ARHGAP44: variants seen among roughly 807,000 people sequenced by gnomAD.
ARHGAP44 encodes rho GTPase-activating protein 44.
ARHGAP44 carries 43 observed loss-of-function variants against 106.8 expected under a neutral mutation model. That is an observed-to-expected ratio of 0.40 (90% confidence interval 0.32 to 0.52). The LOEUF (loss-of-function observed/expected upper bound fraction) is 0.52. Ranked by LOEUF, ARHGAP44 falls within the 20% of genes least tolerant of loss-of-function variation. The pLI is 0.48. For synonymous variants in ARHGAP44, 439 were observed against 410.3 expected (o/e 1.07, Z -0.85); for missense variants, 866 against 1,050.5 (o/e 0.82, Z 2.43).
intron 6 of ARHGAP44, among the ~76,000 whole-genome samples, chr17:12,923,188 G>A (rs2038135424): frequency 6.6e-6 from 1 of 152,106 alleles, no homozygotes; most frequent in Non-Finnish European, 1.5e-5. Flanking sequence ...TTTAGGGATA[G>A]GGAATTGCTT....
At chr17:12,982,567 T>C (rs1239507337) in intron 19 of ARHGAP44, 1 of 152,206 alleles carries the variant, frequency 6.6e-6, no homozygotes, top group Non-Finnish European at 1.5e-5. Context: ...TAGCAGCTGC[T>C]GGAAGCACTT....
chr17:12,884,234 A>T (rs1436734839), intron 1 of ARHGAP44, among the ~76,000 whole-genome samples: 1 of 152,106 alleles, frequency 6.6e-6, no homozygotes, highest in Non-Finnish European at 1.5e-5. Context: ...TATTTAGTTT[A>T]TGTATGTTTT....
intron 10 of ARHGAP44, among the ~76,000 whole-genome samples, chr17:12,946,280 A>G (rs997097476): frequency 3.3e-5 from 5 of 152,136 alleles, no homozygotes; most frequent in Non-Finnish European, 7.3e-5. Flanking sequence ...ATTTTGAAGT[A>G]CAACCTAGAC....
At chr17:12,843,544 T>C (rs2035479329) in intron 1 of ARHGAP44, among the ~76,000 whole-genome samples, 1 of 152,152 alleles carries the variant, frequency 6.6e-6, no homozygotes, top group Non-Finnish European at 1.5e-5. Flanking sequence ...TTGCATCGTG[T>C]TTTCCTGTTT....
chr17:12,936,139 A>G (rs113493750), intron 7 of ARHGAP44, among the ~76,000 whole-genome samples: 221 of 152,286 alleles, frequency 1.5e-3, no homozygotes, highest in African/African-American at 5.2e-3. Context: ...AACCTCCCCC[A>G]ATGTCAACAT....
Position 12,958,467 on chromosome 17 carries a change from T to G in ARHGAP44, c.1343-250T>G, listed in dbSNP as rs1039183998. Among the ~76,000 whole-genome samples the G allele has an allele frequency of 2.0e-5, 3 of 151,256 alleles. No homozygotes were observed. The highest frequency in any genetic ancestry group is 4.4e-5 in the Non-Finnish European group (3 of 67,926). ...TTCATATATTTCAGAAAGTATCCGT[T>G]CCTGTTTTTACAAACTTTTTTTTTT... On this transcript the variant is annotated intron_variant, in intron 15 of 20. Coordinates refer to ENST00000379672, the MANE Select transcript of ARHGAP44 (RefSeq NM_014859.6). This position sits in a 1 kb window ranked among gnomAD's most constrained non-coding sequence, Gnocchi z 4.1.
intron 1 of ARHGAP44, among the ~76,000 whole-genome samples, chr17:12,884,341 T>C (rs543569881): frequency 2.0e-3 from 300 of 152,352 alleles, no homozygotes; most frequent in Non-Finnish European, 2.6e-3. Flanking sequence ...CATTAACTTT[T>C]TATTATATTG....
rs79348207 is a variant in ARHGAP44, at chr17:12,987,500, G to T, written c.2318-2532G>T. 122 of 197,084 alleles carry T rather than the reference G, an allele frequency of 6.2e-4. 1 individual carries two copies. The highest frequency in any genetic ancestry group is 2.5e-3 in the African/African-American group (109 of 43,416). The allele number at this position is 197,084 out of a possible 1,614,324, so 12.2% of individuals were successfully genotyped here. A position where few individuals can be genotyped will look rare whatever the true frequency, so the allele number is the denominator to read the frequency against. ...TGTAACAGATCTGTTCTTCGTGTGA[G>T]ACTTTTGTGCTGGAGACGCTTGTGC... On this transcript the variant is annotated intron_variant, in intron 20 of 20. Transcript: ENST00000379672.
chr17:12,950,345 G>A (rs926935525), intron 12 of ARHGAP44, among the ~76,000 whole-genome samples: 8 of 152,030 alleles, frequency 5.3e-5, no homozygotes, highest in Non-Finnish European at 8.8e-5. Context: ...GTCATGACAC[G>A]TGGGCAGCAG....
intron 1 of ARHGAP44, among the ~76,000 whole-genome samples, chr17:12,894,422 A>G (rs944051054): frequency 1.3e-5 from 2 of 152,184 alleles, no homozygotes; most frequent in Non-Finnish European, 2.9e-5. Flanking sequence ...CAGTTCCTCC[A>G]GCATCCAGGT....
chr17:12,963,991 T>A (rs563927851), intron 16 of ARHGAP44, among the ~76,000 whole-genome samples: 1 of 152,302 alleles, frequency 6.6e-6, no homozygotes, highest in East Asian at 1.9e-4. Flanking sequence ...TATCAAAACT[T>A]TCCTACTTTA....
chr17:12,852,355 G>A lies in ARHGAP44; in HGVS notation c.54-42585G>A, dbSNP rs147520213. Among the ~76,000 whole-genome samples, 11 of 112,608 alleles carry A rather than the reference G, an allele frequency of 9.8e-5. No homozygotes were observed. In the East Asian group the frequency reaches 2.0e-3, roughly 21 times the overall value. 73.9% of individuals were successfully genotyped at this position (112,608 alleles called of 152,430 possible). On this transcript the variant is annotated intron_variant, in intron 1 of 20. Coordinates refer to ENST00000379672, the MANE Select transcript of ARHGAP44 (RefSeq NM_014859.6). Reference sequence around the variant, plus strand: ...TTAAACCAAAAAACTCTTCGTTTTCGTTTCCAGTACTTGTCATTTGTGCCT... The same window carrying A: ...TTAAACCAAAAAACTCTTCGTTTTCATTTCCAGTACTTGTCATTTGTGCCT...
At chr17:12,892,015 TCTGACTGCAGGTGATCCACCCGC>T (rs1158436869) in intron 1 of ARHGAP44, among the ~76,000 whole-genome samples, 1 of 152,158 alleles carries the variant, frequency 6.6e-6, no homozygotes, top group Non-Finnish European at 1.5e-5. Context: ...GTCTCGAACT[TCTGACTGCAGGTGATCCACCCGC>T]CTTGGCATCC....
intron 10 of ARHGAP44, among the ~76,000 whole-genome samples, chr17:12,948,447 A>C (rs1598102070): frequency 2.6e-5 from 4 of 152,128 alleles, no homozygotes. Context: ...AGGCAGGTGG[A>C]TCACTTGAGG....
In ARHGAP44 at chr17:12,886,972, TTTG is replaced by T. The variant is rs150341345; in HGVS notation, c.54-7965_54-7963del. 2.9e-3 allele frequency among the ~76,000 whole-genome samples: 316 copies of T among 108,182 alleles called. 1 individual carries two copies. The highest frequency in any genetic ancestry group is 0.014 in the African/African-American group (280 of 19,358). The allele number at this position is 108,182 out of a possible 152,430, so 71.0% of individuals were successfully genotyped here. On this transcript the variant is annotated intron_variant, in intron 1 of 20. Coordinates refer to ENST00000379672, the MANE Select transcript of ARHGAP44 (RefSeq NM_014859.6). ...CTCCTAGTTTTCTAAGAGTTTTTTTTTTGTTTTTTTTTTTTACCATGAATGGGT... is the reference window on the plus strand; with the variant it reads ...CTCCTAGTTTTCTAAGAGTTTTTTTTTTTTTTTTTTTTACCATGAATGGGT...
At chr17:12,886,975 G>T (rs12938049) in intron 1 of ARHGAP44, among the ~76,000 whole-genome samples, 66,026 of 108,086 alleles carry the variant, frequency 0.61, 17,050 homozygotes, top group East Asian at 0.68. Context: ...TTTTTTTTTT[G>T]TTTTTTTTTT....
intron 7 of ARHGAP44, among the ~76,000 whole-genome samples, chr17:12,938,121 A>T (rs1385081099): frequency 1.3e-5 from 2 of 152,192 alleles, no homozygotes; most frequent in Admixed American, 1.3e-4. Context: ...GAGCTATTCT[A>T]CCACAAACTC....
chr17:12,962,915 C>CGG (rs1409888257), intron 16 of ARHGAP44, among the ~76,000 whole-genome samples: 9 of 151,970 alleles, frequency 5.9e-5, no homozygotes, highest in Non-Finnish European at 1.3e-4. Flanking sequence ...CATCGTGGCG[C>CGG]ATGCCTGTAA....
At position 12,984,842 on chromosome 17, in the gene ARHGAP44, T is replaced by G; in HGVS notation, c.2251T>G (p.Ser751Ala). 6.2e-7 allele frequency: 1 copy of G among 1,613,964 alleles called. No individual in the cohort carries two copies. The highest frequency in any genetic ancestry group is 2.2e-5 in the East Asian group (1 of 44,876). The change falls in exon 20 of 21, where the codon TCT (serine) becomes GCT (alanine). Residue 751 changes from serine to alanine, a missense_variant. This residue lies in a region of ARHGAP44 where 418 missense variants were observed against 403.6 expected (regional missense o/e 1.04). Coordinates refer to ENST00000379672, the MANE Select transcript of ARHGAP44 (RefSeq NM_014859.6). ...GCCTCCCACAGTAAACCTCTCGGCC[T>G]CTAGTCCACAGTCCACGGAGGCCCC... Reference protein sequence around the residue: ...PQPPTVNLSASSPQSTEAPML... With the variant: ...PQPPTVNLSAASPQSTEAPML...
Sources: allele counts gnomAD v4.1 joint callset (sites outside exome capture counted in the v4.1 genomes callset), GRCh38; gene constraint gnomAD v4.1.1; regional missense constraint gnomAD v4.1.1; non-coding constraint Gnocchi (gnomAD v3.1); transcripts MANE v1.5; gene names NCBI Gene and HGNC (gene_info 2026-07-23, HGNC 2026-07-21).